SNRPD1: variants seen among roughly 807,000 people sequenced by gnomAD.
SNRPD1 encodes the protein small nuclear ribonucleoprotein D1 polypeptide, also known as small nuclear ribonucleoprotein Sm D1.
Under a neutral mutation model 14.4 loss-of-function variants are expected in SNRPD1, and 1 was observed. The ratio of observed to expected loss-of-function variants is 0.07; its 90% CI spans 0.02 to 0.33. SNRPD1 has a LOEUF of 0.33. Among genes scored for constraint, SNRPD1 ranks in the 10% least tolerant of loss-of-function variants. The pLI, the probability that SNRPD1 is intolerant of heterozygous loss-of-function variation, is 1.00. For synonymous variants in SNRPD1, 42 were observed against 50.3 expected (o/e 0.83, Z 0.70); for missense variants, 52 against 146.4 (o/e 0.36, Z 3.33).
At chr18:21,615,538 A>C (rs985767772) in intron 1 of SNRPD1, among the ~76,000 whole-genome samples, 21 of 152,112 alleles carry the variant, frequency 1.4e-4, no homozygotes, top group Non-Finnish European at 1.0e-4. Context: ...GAATCCCTTG[A>C]ACCCAGGAGG....
Position 21,622,729 on chromosome 18 carries a change from T to C in SNRPD1, c.19T>C (p.Leu7=). Residue 7 remains leucine, a synonymous_variant, in exon 2 of 4, where the codon TTG becomes CTG. Transcript: ENST00000300413. The stretch of plus-strand genomic sequence containing the variant: ...TGGTTTTATTCCTATTTATAGATTT[T>C]TGATGAAATTGAGTCATGAAACTGT... MKLVRF[L]MKLSHETVTI... 6.8e-7 allele frequency: 1 copy of C among 1,469,388 alleles called. No individual in the cohort carries two copies. Among genetic ancestry groups the C allele is most frequent in the Non-Finnish European group, 9.5e-7 (1 of 1,049,494 alleles). The allele number at this position is 1,469,388 out of a possible 1,614,324, so 91.0% of individuals were successfully genotyped here. A position where few individuals can be genotyped will look rare whatever the true frequency, so the allele number is the denominator to read the frequency against.
At chr18:21,626,453 C>G (rs1042847295) in intron 3 of SNRPD1, among the ~76,000 whole-genome samples, 1 of 148,036 alleles carries the variant, frequency 6.8e-6, no homozygotes, top group African/African-American at 2.5e-5. Context: ...AATGAGTCTT[C>G]GTTTCAAGTT....
intron 1 of SNRPD1, among the ~76,000 whole-genome samples, chr18:21,616,777 CCAGGTT>C (rs1157334655): frequency 6.6e-6 from 1 of 151,884 alleles, no homozygotes; most frequent in Non-Finnish European, 1.5e-5. Flanking sequence ...CCTCCACCTC[CCAGGTT>C]CAAGTGATTC....
chr18:21,623,596 G>A (rs560735384), intron 2 of SNRPD1, 152 bp from the exon 3 acceptor site: 22 of 616,646 alleles, frequency 3.6e-5, no homozygotes, highest in Non-Finnish European at 4.4e-5. Flanking sequence ...CCATTTACCA[G>A]TTGCACATGT....
chr18:21,612,575 T>C (rs945736458), intron 1 of SNRPD1, 132 bp downstream of exon 1: 7 of 614,154 alleles, frequency 1.1e-5, no homozygotes, highest in African/African-American at 1.1e-4. Flanking sequence ...CCGGCCTTAC[T>C]GCGCCCGCAG....
At chr18:21,616,341 TTC>T (rs887411684) in intron 1 of SNRPD1, among the ~76,000 whole-genome samples, 1 of 151,962 alleles carries the variant, frequency 6.6e-6, no homozygotes, top group Non-Finnish European at 1.5e-5. Flanking sequence ...CAGATGTGTT[TTC>T]TCTCAGTGTG....
chr18:21,618,686 G>A (rs1430423858), intron 1 of SNRPD1, among the ~76,000 whole-genome samples: 2 of 151,856 alleles, frequency 1.3e-5, no homozygotes, highest in East Asian at 3.9e-4. Flanking sequence ...TGAGAAAAAC[G>A]TTTTCTTGAT....
intron 1 of SNRPD1, among the ~76,000 whole-genome samples, chr18:21,618,700 A>G (rs899021382): frequency 6.6e-6 from 1 of 152,178 alleles, no homozygotes; most frequent in Non-Finnish European, 1.5e-5. Context: ...TCTTGATGTC[A>G]TATATAAAAA....
intron 1 of SNRPD1, among the ~76,000 whole-genome samples, chr18:21,613,470 A>G (rs1051099382): frequency 3.3e-5 from 5 of 152,150 alleles, no homozygotes; most frequent in African/African-American, 9.7e-5. Context: ...GCCTTGTTGG[A>G]GTTTTCTGGT....
intron 1 of SNRPD1, among the ~76,000 whole-genome samples, chr18:21,622,189 G>C (rs1246718520): frequency 3.3e-5 from 5 of 151,828 alleles, no homozygotes; most frequent in Non-Finnish European, 7.4e-5. Context: ...GCCCAGGCTG[G>C]AGTGCAGTGG....
chr18:21,617,007 C>T (rs1282931101), intron 1 of SNRPD1, among the ~76,000 whole-genome samples: 4 of 152,094 alleles, frequency 2.6e-5, no homozygotes, highest in African/African-American at 9.7e-5. Flanking sequence ...CTCTTGGGCT[C>T]AAGTGACTAT....
chr18:21,623,122 G>T (rs1333365470), intron 2 of SNRPD1, among the ~76,000 whole-genome samples: 2 of 151,412 alleles, frequency 1.3e-5, no homozygotes, highest in Non-Finnish European at 2.9e-5. Flanking sequence ...TTCTCACTCT[G>T]TTACCCAGGC....
intron 2 of SNRPD1, among the ~76,000 whole-genome samples, chr18:21,623,192 A>G (rs2146259984): frequency 6.6e-6 from 1 of 152,240 alleles, no homozygotes; most frequent in East Asian, 1.9e-4. Context: ...TCCGGGTTGA[A>G]GCAATTCTCC....
chr18:21,626,889 C>T (rs1352731623), intron 3 of SNRPD1, among the ~76,000 whole-genome samples: 1 of 150,888 alleles, frequency 6.6e-6, no homozygotes, highest in African/African-American at 2.4e-5. Flanking sequence ...TAGCTCACTG[C>T]AGCCTCAAAC....
intron 3 of SNRPD1, among the ~76,000 whole-genome samples, chr18:21,624,837 T>G (rs1384403252): frequency 6.6e-6 from 1 of 152,078 alleles, no homozygotes; most frequent in Non-Finnish European, 1.5e-5. Flanking sequence ...GATTCTTAAG[T>G]CCCTTTTCAT....
chr18:21,618,117 ATTC>A (rs1020197785), intron 1 of SNRPD1, among the ~76,000 whole-genome samples: 1 of 152,004 alleles, frequency 6.6e-6, no homozygotes, highest in African/African-American at 2.4e-5. Flanking sequence ...GCTACAATAT[ATTC>A]TTAGTAAAAA....
Position 21,612,358 on chromosome 18 carries a change from A to C in SNRPD1, c.-72A>C. The C allele has an allele frequency of 8.0e-7, 1 of 1,244,432 alleles. No homozygotes were observed. Among genetic ancestry groups the C allele is most frequent in the East Asian group, 2.7e-5 (1 of 37,016 alleles). 77.1% of individuals were successfully genotyped at this position (1,244,432 alleles called of 1,614,324 possible). Reference sequence around the variant, plus strand: ...GGAGTAGGCGCTTCCGGCCATTCATACTGCAGTCGGTCAGTGTTCGGTTGA... The same window carrying C: ...GGAGTAGGCGCTTCCGGCCATTCATCCTGCAGTCGGTCAGTGTTCGGTTGA... On this transcript the variant is annotated 5_prime_UTR_variant, in exon 1 of 4. Coordinates refer to ENST00000300413, the MANE Select transcript of SNRPD1 (RefSeq NM_006938.4).
intron 3 of SNRPD1, among the ~76,000 whole-genome samples, chr18:21,625,568 G>A (rs1475605194): frequency 2.0e-5 from 3 of 151,698 alleles, no homozygotes; most frequent in Non-Finnish European, 2.9e-5. Flanking sequence ...CACCCGCCTC[G>A]GCCTTCCAAA....
At chr18:21,618,774 T>C (rs118067767) in intron 1 of SNRPD1, among the ~76,000 whole-genome samples, 6 of 152,284 alleles carry the variant, frequency 3.9e-5, no homozygotes, top group Non-Finnish European at 8.8e-5. Context: ...AAGTAATTTC[T>C]TTTTTGTGAT....
Sources: allele counts gnomAD v4.1 joint callset (sites outside exome capture counted in the v4.1 genomes callset), GRCh38; gene constraint gnomAD v4.1.1; transcripts MANE v1.5; gene names NCBI Gene and HGNC (gene_info 2026-07-23, HGNC 2026-07-21).